Variants in ZNF85 observed in about 807,000 individuals in gnomAD.
The protein encoded by ZNF85 is zinc finger protein 85 (HPF4, HTF1).
ZNF85 carries 50 observed loss-of-function variants against 53.9 expected under a neutral mutation model. The observed-to-expected ratio is 0.93, with a 90% CI of 0.74 to 1.17. ZNF85 has a LOEUF of 1.17. ZNF85 is among the 50% of genes most tolerant of loss of function. The pLI is 0.00. For missense variants in ZNF85, 747 were observed against 688.5 expected, an observed-to-expected ratio of 1.08 and a Z score of -0.95; for synonymous variants, 225 against 226.1, an observed-to-expected ratio of 1.00 and a Z score of 0.04.
chr19:20,927,235 C>T (rs1251186813), intron 1 of ZNF85: 1 of 151,958 alleles, frequency 6.6e-6, no homozygotes, highest in African/African-American at 2.4e-5. Context: ...GGGCATTTCA[C>T]CTGAGGTCAG....
At chr19:20,942,111 G>GT (rs1203025554) in intron 3 of ZNF85, among the ~76,000 whole-genome samples, 1 of 151,546 alleles carries the variant, frequency 6.6e-6, no homozygotes, top group African/African-American at 2.4e-5. Context: ...TTGTTTATCT[G>GT]TTTTTGTGTC....
Position 20,934,116 on chromosome 19 carries a change from G to A in ZNF85, c.96G>A (p.Val32=), listed in dbSNP as rs1265749758. 1.9e-6 allele frequency: 3 copies of A among 1,612,384 alleles called. No homozygotes were observed. The highest frequency in any genetic ancestry group is 1.1e-5 in the South Asian group (1 of 90,994). ...DTAQRNLYRN[V]MLENYRNLVF... Reference sequence around the variant, plus strand: ...CACAGCGGAATTTATATAGAAATGTGATGTTAGAGAACTACAGAAACCTGG... The same window carrying A: ...CACAGCGGAATTTATATAGAAATGTAATGTTAGAGAACTACAGAAACCTGG... Residue 32 remains valine, a synonymous_variant, in exon 2 of 4, where the codon GTG becomes GTA. Coordinates refer to ENST00000328178, the MANE Select transcript of ZNF85 (RefSeq NM_003429.5).
Position 20,950,009 on chromosome 19 carries a change from A to T in ZNF85, c.1495A>T (p.Ile499Phe). The T allele has an allele frequency of 6.2e-7, 1 of 1,613,026 alleles. No individual in the cohort carries two copies. The highest frequency in any genetic ancestry group is 8.5e-7 in the Non-Finnish European group (1 of 1,179,666). Reference protein sequence around the residue: ...KGFKWPSTLTIHKIIHTGEKP... With the variant: ...KGFKWPSTLTFHKIIHTGEKP... ...TTTTAAATGGCCCTCAACCCTTACT[A>T]TCCATAAGATAATTCATACTGGAGA... The change falls in exon 4 of 4, where the codon ATC (isoleucine) becomes TTC (phenylalanine). Residue 499 changes from isoleucine to phenylalanine, a missense_variant. Coordinates refer to ENST00000328178, the MANE Select transcript of ZNF85 (RefSeq NM_003429.5).
At chr19:20,930,379 TA>T (rs57607858) in intron 1 of ZNF85, among the ~76,000 whole-genome samples, 18,889 of 151,570 alleles carry the variant, frequency 0.12, 1,218 homozygotes, top group South Asian at 0.15. Flanking sequence ...ACAAACACAG[TA>T]AAAAACTTCT....
At position 20,949,311 on chromosome 19, in the gene ZNF85, C is replaced by A; in HGVS notation, c.797C>A (p.Thr266Asn). 6.2e-7 allele frequency: 1 copy of A among 1,608,892 alleles called. No individual in the cohort carries two copies. Among genetic ancestry groups the A allele is most frequent in the East Asian group, 2.2e-5 (1 of 44,760 alleles). Residue 266 changes from threonine to asparagine, a missense_variant, in exon 4 of 4, where the codon ACT becomes AAT. Transcript: ENST00000328178. ...KPYKCEECGK[T>N]FNRFSTLTTH... ...TACAAATGTGAAGAATGTGGCAAAA[C>A]TTTTAACCGATTCTCAACTCTTACT...
At chr19:20,940,115 A>G (rs1388981658) in intron 3 of ZNF85, among the ~76,000 whole-genome samples, 2 of 152,138 alleles carry the variant, frequency 1.3e-5, no homozygotes, top group Non-Finnish European at 2.9e-5. Context: ...AAAAAAAAAA[A>G]ACACTTTGTG....
chr19:20,931,910 G>A (rs1822367660), intron 1 of ZNF85, among the ~76,000 whole-genome samples: 1 of 152,102 alleles, frequency 6.6e-6, no homozygotes, highest in South Asian at 2.1e-4. Context: ...CCCGGCCATG[G>A]CCCATATTTT....
intron 1 of ZNF85, among the ~76,000 whole-genome samples, chr19:20,925,523 A>G (rs1240931955): frequency 1.3e-5 from 2 of 152,116 alleles, no homozygotes; most frequent in African/African-American, 4.8e-5. Flanking sequence ...ATTGAGAGAA[A>G]AATGCAGAAA....
At chr19:20,944,440 C>G (rs1327943307) in intron 3 of ZNF85, 1 of 148,830 alleles carries the variant, frequency 6.7e-6, no homozygotes, top group Non-Finnish European at 1.5e-5. Context: ...TTATTTTTAT[C>G]TTGTTTTTGA....
chr19:20,927,200 TC>T (rs1359336526), intron 1 of ZNF85: 7 of 152,152 alleles, frequency 4.6e-5, no homozygotes, highest in African/African-American at 1.7e-4. Context: ...ACACCTGTAA[TC>T]CCAGCACTTT....
chr19:20,929,836 T>G (rs1972966221), intron 1 of ZNF85, among the ~76,000 whole-genome samples: 1 of 151,964 alleles, frequency 6.6e-6, no homozygotes, highest in South Asian at 2.1e-4. Flanking sequence ...AATCAAAGTT[T>G]TGGGCCAGGC....
intron 1 of ZNF85, among the ~76,000 whole-genome samples, chr19:20,933,302 CATT>C (rs1973071314): frequency 6.6e-6 from 1 of 151,354 alleles, no homozygotes; most frequent in African/African-American, 2.4e-5. Flanking sequence ...ATTTTTTCTT[CATT>C]ATTATCTTAA....
intron 1 of ZNF85, chr19:20,927,702 G>C (rs549474620): frequency 1.3e-5 from 2 of 152,220 alleles, no homozygotes; most frequent in African/African-American, 2.4e-5. Flanking sequence ...GGCCAAGATG[G>C]TGAAACCCTG....
chr19:20,940,240 CA>C (rs1973264006), intron 3 of ZNF85, among the ~76,000 whole-genome samples: 1 of 151,802 alleles, frequency 6.6e-6, no homozygotes, highest in Non-Finnish European at 1.5e-5. Flanking sequence ...TTGAAGTGTA[CA>C]TTTTAGGGCC....
Position 20,950,285 on chromosome 19 carries a change from G to T in ZNF85, c.1771G>T (p.Glu591Ter). 6.6e-7 allele frequency: 1 copy of T among 1,521,308 alleles called. No individual in the cohort carries two copies. Among genetic ancestry groups the T allele is most frequent in the Non-Finnish European group, 8.8e-7 (1 of 1,138,338 alleles). 94.2% of individuals were successfully genotyped at this position (1,521,308 alleles called of 1,614,324 possible). A position where few individuals can be genotyped will look rare whatever the true frequency, so the allele number is the denominator to read the frequency against. ...LTKHKIIHTG[E>*]KLQI ...TAAACATAAGATAATTCATACCGGA[G>T]AAAAATTACAAATATGAAAATTATG... is the stretch of plus-strand genomic sequence containing the variant. Residue 591 changes from glutamate to a stop codon, truncating the protein, a stop_gained, in exon 4 of 4, where the codon GAA (glutamate) becomes TAA (stop). Transcript: ENST00000328178. LOFTEE classifies it high-confidence loss of function.
intron 3 of ZNF85, chr19:20,937,114 C>G (rs951231726): frequency 3.7e-6 from 1 of 272,020 alleles, no homozygotes; most frequent in African/African-American, 2.3e-5. Context: ...CTCACTGCAA[C>G]CTCCGCCTCC....
intron 1 of ZNF85, among the ~76,000 whole-genome samples, chr19:20,925,118 C>T (rs1972849298): frequency 6.6e-6 from 1 of 152,262 alleles, no homozygotes; most frequent in East Asian, 1.9e-4. Context: ...AGTGCAGTCT[C>T]CTGGTGTACT....
Position 20,934,009 on chromosome 19 carries a change from G to T in ZNF85, c.4-15G>T. The T allele has an allele frequency of 6.3e-7, 1 of 1,598,794 alleles. No individual in the cohort carries two copies. Among genetic ancestry groups the T allele is most frequent in the Non-Finnish European group, 8.5e-7 (1 of 1,170,066 alleles). ...TGTGTGTGTGTGTGTATGTGTATGT[G>T]TGTGTATCTTTCAGGGACCATTGAC... On this transcript the variant is annotated splice_polypyrimidine_tract_variant and intron_variant, in intron 1 of 3. Coordinates refer to ENST00000328178, the MANE Select transcript of ZNF85 (RefSeq NM_003429.5).
In ZNF85 at chr19:20,948,922, A is replaced by C. The variant is rs12972502; in HGVS notation, c.408A>C (p.Gln136His). 6.2e-7 allele frequency: 1 copy of C among 1,613,408 alleles called. No homozygotes were observed. Among genetic ancestry groups the C allele is most frequent in the South Asian group, 1.1e-5 (1 of 91,008 alleles). Residue 136 changes from glutamine (Q) to histidine (H), a missense_variant, in exon 4 of 4, where the codon CAA becomes CAC. By Grantham distance (24) the Gln-to-His change is conservative. Coordinates refer to ENST00000328178, the MANE Select transcript of ZNF85 (RefSeq NM_003429.5). ...AAGGAGGTTGTAATGGACTTAACCAATGTCTCACAGCTACCCAGAGCAAAA... is the reference window on the plus strand; with the variant it reads ...AAGGAGGTTGTAATGGACTTAACCACTGTCTCACAGCTACCCAGAGCAAAA... ...MHKGGCNGLN[Q>H]CLTATQSKIF...
Sources: allele counts gnomAD v4.1 joint callset (sites outside exome capture counted in the v4.1 genomes callset), GRCh38; gene constraint gnomAD v4.1.1; transcripts MANE v1.5; gene names NCBI Gene and HGNC (gene_info 2026-07-23, HGNC 2026-07-21).